Variants in AK5 observed in about 807,000 individuals in gnomAD.
AK5 encodes adenylate kinase isoenzyme 5.
In AK5, 27 loss-of-function variants were observed where a neutral mutation model predicts 69.5. That is an observed-to-expected ratio of 0.39 (90% CI 0.29 to 0.54). AK5 has a LOEUF of 0.54. Ranked by LOEUF, AK5 falls within the 20% of genes least tolerant of loss-of-function variation. The pLI is 0.71. For missense variants in AK5, 531 were observed against 700.4 expected, an observed-to-expected ratio of 0.76 and a Z score of 2.73; for synonymous variants, 260 against 244.4, an observed-to-expected ratio of 1.06 and a Z score of -0.60.
At chr1:77,528,152 C>T (rs1032327161) in intron 12 of AK5, among the ~76,000 whole-genome samples, 12 of 152,194 alleles carry the variant, frequency 7.9e-5, no homozygotes, top group Admixed American at 2.0e-4. Flanking sequence ...CCCTGCAGGG[C>T]CCTTCATTTG....
chr1:77,483,275 A>G, intron 8 of AK5, 42 bp from the exon 9 acceptor site: 1 of 1,491,704 alleles, frequency 6.7e-7, no homozygotes. Context: ...TCAGCAAAAT[A>G]CCTGCTGTTA....
chr1:77,339,108 A>G (rs1254483654), intron 5 of AK5, among the ~76,000 whole-genome samples: 1 of 152,226 alleles, frequency 6.6e-6, no homozygotes, highest in Non-Finnish European at 1.5e-5. Flanking sequence ...TAAAAATTGT[A>G]TTTTCATATA....
At chr1:77,327,035 C>A (rs867960688) in intron 5 of AK5, among the ~76,000 whole-genome samples, 34 of 152,106 alleles carry the variant, frequency 2.2e-4, no homozygotes, top group African/African-American at 8.0e-4. Context: ...TAGTCAATAT[C>A]ATGAATTTAA....
intron 10 of AK5, among the ~76,000 whole-genome samples, chr1:77,509,731 C>G (rs2100287040): frequency 6.6e-6 from 1 of 152,304 alleles, no homozygotes; most frequent in East Asian, 1.9e-4. Flanking sequence ...GAAGGCTATG[C>G]ACCTTTAAAG....
chr1:77,437,511 T>C (rs1320923703), intron 8 of AK5, among the ~76,000 whole-genome samples: 1 of 152,138 alleles, frequency 6.6e-6, no homozygotes, highest in Admixed American at 6.5e-5. Flanking sequence ...TGATAGGTGA[T>C]CTTATGAAGG....
chr1:77,479,718 T>G (rs1051121284), intron 8 of AK5, among the ~76,000 whole-genome samples: 2 of 152,196 alleles, frequency 1.3e-5, no homozygotes, highest in African/African-American at 4.8e-5. Flanking sequence ...AAACCTAGTT[T>G]AATACTATGG....
chr1:77,427,383 G>A (rs374185801), intron 8 of AK5, among the ~76,000 whole-genome samples: 4 of 152,142 alleles, frequency 2.6e-5, no homozygotes, highest in East Asian at 3.9e-4. Context: ...CTATGCCCAC[G>A]AATTTGATAT....
chr1:77,338,760 T>C (rs879153657), intron 5 of AK5, among the ~76,000 whole-genome samples: 2 of 152,160 alleles, frequency 1.3e-5, no homozygotes, highest in Non-Finnish European at 2.9e-5. Context: ...CAGGACCACA[T>C]AGAATCATGA....
intron 6 of AK5, among the ~76,000 whole-genome samples, chr1:77,370,818 G>T (rs1647108067): frequency 6.6e-6 from 1 of 152,160 alleles, no homozygotes; most frequent in Admixed American, 6.5e-5. Flanking sequence ...ACCAGATTCT[G>T]GGATCCTCCA....
chr1:77,496,112 A>G (rs2100745772), intron 10 of AK5, among the ~76,000 whole-genome samples: 1 of 152,332 alleles, frequency 6.6e-6, no homozygotes, highest in Middle Eastern at 3.4e-3. Flanking sequence ...GGCAATGGGG[A>G]GCAAGACTGA....
intron 8 of AK5, among the ~76,000 whole-genome samples, chr1:77,448,782 C>G (rs1468207465): frequency 6.6e-6 from 1 of 152,216 alleles, no homozygotes; most frequent in East Asian, 1.9e-4. Context: ...TAGGAACTCC[C>G]TGAGCCAGGG....
At chr1:77,370,444 G>T (rs1647098666) in intron 6 of AK5, among the ~76,000 whole-genome samples, 1 of 152,068 alleles carries the variant, frequency 6.6e-6, no homozygotes, top group African/African-American at 2.4e-5. Context: ...ACTACAAACA[G>T]ACTTGGGGGG....
At chr1:77,458,902 C>A (rs1653662065) in intron 8 of AK5, among the ~76,000 whole-genome samples, 1 of 152,168 alleles carries the variant, frequency 6.6e-6, no homozygotes, top group Non-Finnish European at 1.5e-5. Flanking sequence ...ACCAGTCATT[C>A]CTAGTAGACC....
chr1:77,420,004 G>A (rs1389295340), intron 8 of AK5, among the ~76,000 whole-genome samples: 1 of 152,062 alleles, frequency 6.6e-6, no homozygotes, highest in Non-Finnish European at 1.5e-5. Context: ...TAGGCACTTA[G>A]AATATAATTA....
At chr1:77,391,483 A>ATGTGTGTGTG (rs377483838) in intron 6 of AK5, among the ~76,000 whole-genome samples, 2 of 92,490 alleles carry the variant, frequency 2.2e-5, no homozygotes, top group Non-Finnish European at 3.9e-5. Flanking sequence ...GTGTGTGTGT[A>ATGTGTGTGTG]TGTGTGTGTG....
intron 2 of AK5, among the ~76,000 whole-genome samples, chr1:77,290,717 C>A (rs751251311): frequency 1.3e-5 from 2 of 152,216 alleles, no homozygotes; most frequent in African/African-American, 2.4e-5. Context: ...CCAGCACTTA[C>A]TTCTTTTCCT....
At chr1:77,558,464 T>C (rs551762935) in intron 13 of AK5, 138 bp from the exon 14 acceptor site, 2 of 542,006 alleles carry the variant, frequency 3.7e-6, no homozygotes, top group South Asian at 2.2e-5. Context: ...TCTTCACTTT[T>C]TTCTCTGTGT....
rs890014491 is a variant in AK5 at position 77,439,598 on chromosome 1, G to A, written c.1059+21883G>A. Among the ~76,000 whole-genome samples the A allele has an allele frequency of 3.3e-5, 5 of 151,778 alleles. No homozygotes were observed. In the East Asian group the frequency reaches 9.7e-4, roughly 29 times the overall value. On this transcript the variant is annotated intron_variant, in intron 8 of 13. Transcript: ENST00000354567. ...TCTGGTAACCAACATTTAACTCTCT[G>A]CCTCCATGATATTTACTTTTTTAGC...
intron 6 of AK5, among the ~76,000 whole-genome samples, chr1:77,406,705 G>A (rs116007151): frequency 0.085 from 11,870 of 139,416 alleles, 678 homozygotes; most frequent in African/African-American, 0.15. Flanking sequence ...TGATGCTGAG[G>A]AAAAAAAAAA....
Sources: allele counts gnomAD v4.1 joint callset (sites outside exome capture counted in the v4.1 genomes callset), GRCh38; gene constraint gnomAD v4.1.1; transcripts MANE v1.5; gene names NCBI Gene and HGNC (gene_info 2026-07-23, HGNC 2026-07-21).